The following ABCC8 variants were observed in gnomAD, a reference collection of about 807,000 sequenced individuals.
ABCC8 encodes ATP binding cassette subfamily C member 8.
ABCC8 carries 137 observed loss-of-function variants against 188.0 expected under a neutral mutation model. The observed-to-expected ratio is 0.73, with a 90% CI of 0.63 to 0.84. ABCC8 has a LOEUF of 0.84. Among genes scored for constraint, ABCC8 ranks in the 40% least tolerant of loss-of-function variants. The pLI, the probability that ABCC8 is intolerant of heterozygous loss-of-function variation, is 0.00. For synonymous variants in ABCC8, 797 were observed against 846.5 expected (o/e 0.94, Z 1.01); for missense variants, 1,750 against 2,072.7 (o/e 0.84, Z 3.02).
intron 29 of ABCC8, 107 bp downstream of exon 29, chr11:17,402,554 G>C: frequency 6.2e-7 from 1 of 1,603,228 alleles, no homozygotes. Flanking sequence ...GAGAGAGAAC[G>C]TGTCCTTGGC....
chr11:17,419,530 G>A (rs866712672), intron 16 of ABCC8, among the ~76,000 whole-genome samples: 2 of 152,236 alleles, frequency 1.3e-5, no homozygotes, highest in South Asian at 4.1e-4. Flanking sequence ...AGAAAAACTG[G>A]AAGCTTCTGG....
At chr11:17,460,822 C>A in intron 5 of ABCC8, 146 bp from the exon 6 acceptor site, 2 of 1,491,718 alleles carry the variant, frequency 1.3e-6, no homozygotes, top group South Asian at 1.3e-5. Flanking sequence ...AGGAAGAGAT[C>A]ATGGAATCAG....
chr11:17,422,085 T>C (rs757742214), intron 16 of ABCC8, among the ~76,000 whole-genome samples: 4 of 152,226 alleles, frequency 2.6e-5, no homozygotes, highest in African/African-American at 4.8e-5. Flanking sequence ...GTCTTCTCCC[T>C]GCAGACCTGG....
intron 10 of ABCC8, chr11:17,435,848 G>T: frequency 1.6e-6 from 2 of 1,242,384 alleles, no homozygotes; most frequent in Non-Finnish European, 2.4e-6. Context: ...GTGTGGATCA[G>T]TGCTGGCCCC....
Position 17,407,341 on chromosome 11 carries a change from C to A in ABCC8, c.2920+13G>T. ...TCAGGCCATAATTTCACTCCCAGTC[C>A]CATTGCCTGTACCTTCCTCCTCTTC... is the stretch of plus-strand genomic sequence containing the variant. On this transcript the variant is annotated intron_variant, in intron 24 of 38. Transcript: ENST00000389817. The A allele has an allele frequency of 3.1e-6, 5 of 1,614,182 alleles. No homozygotes were observed. Among genetic ancestry groups the A allele is most frequent in the Non-Finnish European group, 4.2e-6 (5 of 1,180,032 alleles).
intron 22 of ABCC8, among the ~76,000 whole-genome samples, chr11:17,409,119 AT>A (rs34715760): frequency 0.58 from 82,124 of 141,300 alleles, 23,518 homozygotes; most frequent in East Asian, 0.71. Context: ...TACCTGGCTA[AT>A]TTTTTTTTTT....
intron 16 of ABCC8, among the ~76,000 whole-genome samples, chr11:17,424,924 A>G (rs1955514146): frequency 6.6e-6 from 1 of 152,206 alleles, no homozygotes. Context: ...ACTTAGTAGG[A>G]GGCTTGATGA....
intron 4 of ABCC8, 197 bp from the exon 5 acceptor site, chr11:17,462,022 G>A (rs1481980895): frequency 1.7e-6 from 1 of 578,986 alleles, no homozygotes; most frequent in Admixed American, 6.3e-5. Context: ...TCCTGACTTT[G>A]TAACTGCTCA....
chr11:17,457,489 C>T (rs1314795952), intron 6 of ABCC8, among the ~76,000 whole-genome samples: 1 of 152,214 alleles, frequency 6.6e-6, no homozygotes, highest in Non-Finnish European at 1.5e-5. Context: ...ACTGATAGCC[C>T]AGGGCAGTGC....
rs1415026147 is a variant in ABCC8, at chr11:17,393,723, C to T, written c.4582G>A (p.Ala1528Thr). Residue 1528 changes from alanine (A) to threonine (T), a missense_variant, in exon 38 of 39, where the codon GCA becomes ACA. Transcript: ENST00000389817. ...GCGATGGTGACCACAGTGCGGTCTG[C>T]GAAGGCTGTCATCACCACCTTTTGG... ...ILQKVVMTAF[A>T]DRTVVTIAHR... 9.3e-6 allele frequency: 15 copies of T among 1,614,082 alleles called. No homozygotes were observed. Among genetic ancestry groups the T allele is most frequent in the East Asian group, 2.2e-5 (1 of 44,894 alleles).
intron 3 of ABCC8, among the ~76,000 whole-genome samples, chr11:17,463,837 T>A (rs1180681117): frequency 1.3e-5 from 2 of 152,194 alleles, no homozygotes; most frequent in Non-Finnish European, 2.9e-5. Flanking sequence ...ATCAAACTGG[T>A]CAGACAAATG....
At chr11:17,433,766 TGTATGGCTGGAGCCCTC>T (rs1836763525) in intron 10 of ABCC8, among the ~76,000 whole-genome samples, 1 of 152,206 alleles carries the variant, frequency 6.6e-6, no homozygotes, top group South Asian at 2.1e-4. Flanking sequence ...TCCTGGAGGA[TGTATGGCTGGAGCCCTC>T]GTATGGCTGG....
chr11:17,450,392 TTCTTTCTTTCC>T (rs1197919365), intron 7 of ABCC8, among the ~76,000 whole-genome samples: 7 of 127,270 alleles, frequency 5.5e-5, no homozygotes, highest in African/African-American at 1.2e-4. Context: ...TTTCCTTTCC[TTCTTTCTTTCC>T]TTTTTTTTTT....
intron 18 of ABCC8, 96 bp downstream of exon 18, chr11:17,415,208 C>T (rs2133481587): frequency 1.3e-6 from 2 of 1,522,780 alleles, no homozygotes; most frequent in Non-Finnish European, 1.8e-6. Flanking sequence ...GGGCTGGGGT[C>T]TGGGGGCTGC....
Position 17,407,365 on chromosome 11 carries a change from T to C in ABCC8, c.2909A>G (p.Glu970Gly). The change falls in exon 24 of 39, where the codon GAA becomes GGA. Residue 970 changes from glutamate to glycine, a missense_variant. Transcript: ENST00000389817. ...CCCATTGCCTGTACCTTCCTCCTCT[T>C]CCTCATCCTGCAGAAGGCCATCCCT... ...SSRDGLLQDE[E>G]EEEEEAAESE... 2 of 1,613,994 alleles carry C rather than the reference T, an allele frequency of 1.2e-6. No homozygotes were observed. The highest frequency in any genetic ancestry group is 1.7e-6 in the Non-Finnish European group (2 of 1,180,004).
chr11:17,461,152 A>T (rs1957174527), intron 5 of ABCC8: 1 of 339,008 alleles, frequency 2.9e-6, no homozygotes, highest in African/African-American at 2.1e-5. Context: ...CTCCTCAGTG[A>T]TATGGGGAGA....
chr11:17,409,141 A>T lies in ABCC8; in HGVS notation c.2695-624T>A, dbSNP rs11024278. On this transcript the variant is annotated intron_variant, in intron 22 of 38. Coordinates refer to ENST00000389817, the MANE Select transcript of ABCC8 (RefSeq NM_000352.6). ...CTAATTTTTTTTTTTTTTTTTATAGAGATAGGGTTTCACCATGTTGCCCCA... is the reference window on the plus strand; with the variant it reads ...CTAATTTTTTTTTTTTTTTTTATAGTGATAGGGTTTCACCATGTTGCCCCA... Among the ~76,000 whole-genome samples, 554 of 148,952 alleles carry T rather than the reference A, an allele frequency of 3.7e-3. 3 individuals are homozygous for T. The highest frequency in any genetic ancestry group is 0.013 in the African/African-American group (532 of 40,286).
At chr11:17,445,790 T>C (rs11821723) in intron 8 of ABCC8, among the ~76,000 whole-genome samples, 61,421 of 151,022 alleles carry the variant, frequency 0.41, 13,477 homozygotes, top group African/African-American at 0.58. Context: ...TATGAAAATC[T>C]CTACCCCCAG....
Position 17,443,318 on chromosome 11 carries a change from G to A in ABCC8, c.1333-6C>T. ...AGAATCACACCCACAATGATCTGAGGAAGGGGTCATGGGTCAGGTCCCTTT... is the reference window on the plus strand; with the variant it reads ...AGAATCACACCCACAATGATCTGAGAAAGGGGTCATGGGTCAGGTCCCTTT... On this transcript the variant is annotated splice_polypyrimidine_tract_variant and splice_region_variant and intron_variant, in intron 8 of 38. Transcript: ENST00000389817. The A allele has an allele frequency of 6.2e-7, 1 of 1,614,120 alleles. No homozygotes were observed. The highest frequency in any genetic ancestry group is 8.5e-7 in the Non-Finnish European group (1 of 1,180,038).
Sources: gnomAD v4.1 joint callset for allele counts (sites outside exome capture counted in the v4.1 genomes callset) on GRCh38, gnomAD v4.1.1 for gene constraint, MANE v1.5 for transcripts, NCBI Gene and HGNC (gene_info 2026-07-23, HGNC 2026-07-21) for gene names.